The following ACVRL1 variants were observed in gnomAD, a reference collection of about 807,000 sequenced individuals.
The protein encoded by ACVRL1 is activin receptor type-1-like.
Under a neutral mutation model 51.9 loss-of-function variants are expected in ACVRL1, and 20 were observed. That is an observed-to-expected ratio of 0.39 (90% CI 0.27 to 0.56). The LOEUF (loss-of-function observed/expected upper bound fraction) is 0.56, where lower values mean the gene tolerates loss of function less well. ACVRL1 is among the 20% of genes least tolerant of loss of function. The pLI, the probability that ACVRL1 is intolerant of heterozygous loss-of-function variation, is 0.67. For synonymous variants in ACVRL1, 288 were observed against 280.9 expected (o/e 1.03, Z -0.25); for missense variants, 451 against 670.3 (o/e 0.67, Z 3.61).
rs766083855 is a variant in ACVRL1, at chr12:51,919,039, G to A, written c.1301G>A (p.Ser434Asn). 1 of 1,614,200 alleles carries A rather than the reference G, an allele frequency of 6.2e-7. No homozygotes were observed. Among genetic ancestry groups the A allele is most frequent in the Non-Finnish European group, 8.5e-7 (1 of 1,180,040 alleles). ...TATGATGTGGTGCCCAATGACCCCAGCTTTGAGGACATGAAGAAGGTGGTG... is the reference window on the plus strand; with the variant it reads ...TATGATGTGGTGCCCAATGACCCCAACTTTGAGGACATGAAGAAGGTGGTG... ...PFYDVVPNDP[S>N]FEDMKKVVCV... The change falls in exon 9 of 10, where the codon AGC becomes AAC. Residue 434 changes from serine to asparagine, a missense_variant. By Grantham distance (46) the Ser-to-Asn change is conservative. Around this residue, in one of 2 missense-constraint regions of ACVRL1, gnomAD observed 259 missense variants for 453.4 expected, o/e 0.57. Transcript: ENST00000388922.
At position 51,916,144 on chromosome 12, in the gene ACVRL1, G is replaced by A. The variant is rs141764916; in HGVS notation, c.1157G>A (p.Arg386His). 3.5e-5 allele frequency: 56 copies of A among 1,614,058 alleles called. No homozygotes were observed. The African/African-American group carries it at 5.1e-4, about 15-fold the overall frequency. The change falls in exon 8 of 10, where the codon CGC (arginine) becomes CAC (histidine). Residue 386 changes from arginine (R) to histidine (H), a missense_variant. Arg to His is a conservative substitution (Grantham distance 29). Around this residue, in one of 2 missense-constraint regions of ACVRL1, gnomAD observed 259 missense variants for 453.4 expected, o/e 0.57. Coordinates refer to ENST00000388922, the MANE Select transcript of ACVRL1 (RefSeq NM_000020.3). ...MAPEVLDEQIRTDCFESYKWT... is the reference protein window; with the variant it reads ...MAPEVLDEQIHTDCFESYKWT... ...CCCGAGGTGCTGGACGAGCAGATCC[G>A]CACGGACTGCTTTGAGTCCTACAAG...
chr12:51,913,798 G>T (rs781393895), intron 4 of ACVRL1, 28 bp downstream of exon 4: 1 of 1,607,664 alleles, frequency 6.2e-7, no homozygotes, highest in South Asian at 1.1e-5. Context: ...TGGGACACAG[G>T]GTGTAGGAGG....
intron 1 of ACVRL1, among the ~76,000 whole-genome samples, chr12:51,908,723 C>T (rs1450128360): frequency 1.3e-5 from 2 of 152,130 alleles, no homozygotes; most frequent in African/African-American, 2.4e-5. Context: ...CTACATTTTA[C>T]CTATGAGATA....
chr12:51,917,609 C>T lies in ACVRL1; in HGVS notation c.1246+1376C>T, dbSNP rs1207477901. Among the ~76,000 whole-genome samples, 3 of 152,092 alleles carry T rather than the reference C, an allele frequency of 2.0e-5. No homozygotes were observed. The highest frequency in any genetic ancestry group is 4.2e-4 in the South Asian group (2 of 4,808). ...CATTTCCTGAGCATCTACCAGGAGC[C>T]AGCCCCATGCCAGACTTCATTTGTC... On this transcript the variant is annotated intron_variant, in intron 8 of 9. Coordinates refer to ENST00000388922, the MANE Select transcript of ACVRL1 (RefSeq NM_000020.3). This position sits in a 1 kb window ranked among gnomAD's most constrained non-coding sequence, Gnocchi z 4.2.
In ACVRL1 at chr12:51,913,079, G is replaced by A. The variant is rs771311990; in HGVS notation, c.62-20G>A. On this transcript the variant is annotated intron_variant, in intron 2 of 9. Coordinates refer to ENST00000388922, the MANE Select transcript of ACVRL1 (RefSeq NM_000020.3). ...GGGGAGCTGGGACCACAGTGGCTGAGCTTCCGGTGTGTCTTCCAGGAGACC... is the reference window on the plus strand; with the variant it reads ...GGGGAGCTGGGACCACAGTGGCTGAACTTCCGGTGTGTCTTCCAGGAGACC... 2 of 1,597,446 alleles carry A rather than the reference G, an allele frequency of 1.3e-6. No individual in the cohort carries two copies. The highest frequency in any genetic ancestry group is 1.7e-6 in the Non-Finnish European group (2 of 1,177,928).
At chr12:51,912,276 G>A in intron 1 of ACVRL1, 194 bp from the exon 2 acceptor site, 1 of 669,860 alleles carries the variant, frequency 1.5e-6, no homozygotes, top group South Asian at 1.7e-5. Context: ...TAACAGGATG[G>A]TTTCCATGGG....
rs879789938 is a variant in ACVRL1 at position 51,921,823 on chromosome 12, C to T, written c.*930C>T. ...TCCCAGCTCACCGCAACGTCTACCT[C>T]CCAGGTTCAAATCATTCTCTTGCCT... is the stretch of plus-strand genomic sequence containing the variant. On this transcript the variant is annotated 3_prime_UTR_variant, in exon 10 of 10. Transcript: ENST00000388922. 1 of 152,074 alleles carries T rather than the reference C, an allele frequency of 6.6e-6. No homozygotes were observed. Among genetic ancestry groups the T allele is most frequent in the Non-Finnish European group, 1.5e-5 (1 of 68,026 alleles). 9.4% of individuals were successfully genotyped at this position (152,074 alleles called of 1,614,324 possible).
intron 8 of ACVRL1, among the ~76,000 whole-genome samples, chr12:51,916,739 C>T (rs1453844232): frequency 1.3e-5 from 2 of 152,132 alleles, no homozygotes; most frequent in African/African-American, 2.4e-5. Context: ...TTTGGGAGGC[C>T]GAGGCAGGCA....
chr12:51,911,942 C>T (rs1202916823), intron 1 of ACVRL1, among the ~76,000 whole-genome samples: 5 of 152,156 alleles, frequency 3.3e-5, no homozygotes, highest in Non-Finnish European at 7.3e-5. Flanking sequence ...CTATCCAGAC[C>T]CCAATCTAAA....
rs1940748606 is a variant in ACVRL1 at position 51,913,540 on chromosome 12, C to T, written c.314-19C>T. 6 of 1,591,894 alleles carry T rather than the reference C, an allele frequency of 3.8e-6. No homozygotes were observed. In the South Asian group the frequency reaches 4.5e-5, roughly 12 times the overall value. ...AGCTGACCTAGTGGAAGCTGAGCCT[C>T]AGTGTCCCCCTCCCTCAGCCACCCA... On this transcript the variant is annotated intron_variant, in intron 3 of 9. Transcript: ENST00000388922.
At chr12:51,908,416 T>A (rs1413810632) in intron 1 of ACVRL1, among the ~76,000 whole-genome samples, 1 of 152,212 alleles carries the variant, frequency 6.6e-6, no homozygotes, top group African/African-American at 2.4e-5. Context: ...TGAGTCAGGG[T>A]CTGTCCTAAT....
Position 51,921,527 on chromosome 12 carries a change from T to A in ACVRL1, c.*634T>A, listed in dbSNP as rs762441935. ...TAGGGCATTAAATCCTAAGAGGTCC[T>A]ACTGAGGTGTGGCAGGATCACAGGC... On this transcript the variant is annotated 3_prime_UTR_variant, in exon 10 of 10. Transcript: ENST00000388922. The A allele has an allele frequency of 6.0e-5, 10 of 166,882 alleles. No individual in the cohort carries two copies. Among genetic ancestry groups the A allele is most frequent in the Non-Finnish European group, 1.3e-4 (10 of 75,730 alleles). 10.3% of individuals were successfully genotyped at this position (166,882 alleles called of 1,614,324 possible).
intron 1 of ACVRL1, among the ~76,000 whole-genome samples, chr12:51,911,591 G>T (rs190321667): frequency 6.6e-6 from 1 of 152,188 alleles, no homozygotes; most frequent in Non-Finnish European, 1.5e-5. Flanking sequence ...TCAGACATGG[G>T]CTGCCACCAC....
At chr12:51,920,684 C>G (rs1940952360) in intron 9 of ACVRL1, 75 bp from the exon 10 acceptor site, 2 of 1,554,622 alleles carry the variant, frequency 1.3e-6, no homozygotes, top group African/African-American at 1.4e-5. Flanking sequence ...CTCTGCATCT[C>G]TCTCCCGACC....
chr12:51,918,345 C>G (rs554098937), intron 8 of ACVRL1, among the ~76,000 whole-genome samples: 1 of 152,346 alleles, frequency 6.6e-6, no homozygotes, highest in Admixed American at 6.5e-5. Flanking sequence ...CACTTACTAT[C>G]TGTTGATCTT....
rs568512390 is a variant in ACVRL1, at chr12:51,923,325, C to T, written c.*2432C>T. The T allele has an allele frequency of 1.3e-5, 2 of 152,410 alleles. No homozygotes were observed. Among genetic ancestry groups the T allele is most frequent in the African/African-American group, 4.8e-5 (2 of 41,570 alleles). 9.4% of individuals were successfully genotyped at this position (152,410 alleles called of 1,614,324 possible). A position where few individuals can be genotyped will look rare whatever the true frequency, so the allele number is the denominator to read the frequency against. On this transcript the variant is annotated 3_prime_UTR_variant, in exon 10 of 10. Coordinates refer to ENST00000388922, the MANE Select transcript of ACVRL1 (RefSeq NM_000020.3). The stretch of plus-strand genomic sequence containing the variant: ...GGGAGCACTGGGCTCATGCCTGGCA[C>T]ACAATAGGTCTGCAATAAACCATGG...
At position 51,921,070 on chromosome 12, in the gene ACVRL1, AT is replaced by A; in HGVS notation, c.*178del. The A allele has an allele frequency of 1.3e-6, 1 of 752,138 alleles. No individual in the cohort carries two copies. 46.6% of individuals were successfully genotyped at this position (752,138 alleles called of 1,614,324 possible). On this transcript the variant is annotated 3_prime_UTR_variant, in exon 10 of 10. Transcript: ENST00000388922. ...AAAAATACAGCTGGGCTGAAACCTG[AT>A]CCCCTGCTGTCTGGCCTGCTCAAAG... is the stretch of plus-strand genomic sequence containing the variant.
At chr12:51,911,037 T>A (rs1410882572) in intron 1 of ACVRL1, among the ~76,000 whole-genome samples, 1 of 152,242 alleles carries the variant, frequency 6.6e-6, no homozygotes, top group Admixed American at 6.5e-5. Flanking sequence ...GAAGCCTCTG[T>A]GGCCATGTGC....
chr12:51,915,525 G>C, intron 7 of ACVRL1, 25 bp downstream of exon 7: 1 of 1,595,876 alleles, frequency 6.3e-7, no homozygotes, highest in Non-Finnish European at 8.5e-7. Context: ...GCAGGGGCGC[G>C]CCCTTCACAG....
Sources: allele counts gnomAD v4.1 joint callset (sites outside exome capture counted in the v4.1 genomes callset), GRCh38; gene constraint gnomAD v4.1.1; regional missense constraint gnomAD v4.1.1; non-coding constraint Gnocchi (gnomAD v3.1); transcripts MANE v1.5; gene names NCBI Gene and HGNC (gene_info 2026-07-23, HGNC 2026-07-21).